KCTD8: variants seen among roughly 807,000 people sequenced by gnomAD.
KCTD8 encodes the protein potassium channel tetramerization domain containing 8.
A neutral mutation model predicts 31.5 loss-of-function variants in KCTD8; 27 were observed. The ratio of observed to expected loss-of-function variants is 0.86; its 90% CI spans 0.63 to 1.18. KCTD8 has a LOEUF of 1.18. Among genes scored for constraint, KCTD8 ranks in the 50% most tolerant of loss-of-function variants. The pLI is 0.00. For missense variants in KCTD8, 658 were observed against 647.7 expected, an observed-to-expected ratio of 1.02 and a Z score of -0.17; for synonymous variants, 290 against 280.0, an observed-to-expected ratio of 1.04 and a Z score of -0.36.
chr4:44,400,833 C>A (rs191728095), intron 1 of KCTD8, among the ~76,000 whole-genome samples: 2 of 149,996 alleles, frequency 1.3e-5, no homozygotes, highest in East Asian at 3.9e-4. Flanking sequence ...GAATGAATTT[C>A]ATAATTTAAA....
chr4:44,445,250 C>T (rs1721911549), intron 1 of KCTD8, among the ~76,000 whole-genome samples: 1 of 152,112 alleles, frequency 6.6e-6, no homozygotes, highest in South Asian at 2.1e-4. Flanking sequence ...TATTCTAGTA[C>T]TCAAGACAAA....
At chr4:44,351,443 A>G (rs753968357) in intron 1 of KCTD8, among the ~76,000 whole-genome samples, 4 of 152,134 alleles carry the variant, frequency 2.6e-5, no homozygotes, top group Non-Finnish European at 4.4e-5. Flanking sequence ...TTAGATTTCC[A>G]TATCATTTTG....
intron 1 of KCTD8, among the ~76,000 whole-genome samples, chr4:44,176,404 C>T (rs1323635664): frequency 6.6e-6 from 1 of 152,160 alleles, no homozygotes; most frequent in East Asian, 1.9e-4. Context: ...TGGGGTGCCA[C>T]CTGGCCATCA....
chr4:44,243,565 T>C (rs1449838232), intron 1 of KCTD8, among the ~76,000 whole-genome samples: 6 of 152,204 alleles, frequency 3.9e-5, no homozygotes, highest in Admixed American at 3.3e-4. Flanking sequence ...ATTCCAGTCA[T>C]TGGTCCTTTC....
intron 1 of KCTD8, among the ~76,000 whole-genome samples, chr4:44,302,562 T>C (rs1214028081): frequency 3.9e-5 from 6 of 152,088 alleles, no homozygotes; most frequent in African/African-American, 1.5e-4. Flanking sequence ...TTTTGTACAT[T>C]GATTTTGTAT....
chr4:44,247,039 T>C (rs974748135), intron 1 of KCTD8, among the ~76,000 whole-genome samples: 1 of 152,038 alleles, frequency 6.6e-6, no homozygotes, highest in Admixed American at 6.6e-5. Flanking sequence ...TCATTTCCAA[T>C]TTATATCCAT....
intron 1 of KCTD8, among the ~76,000 whole-genome samples, chr4:44,202,321 T>C (rs1330534528): frequency 6.6e-6 from 1 of 152,122 alleles, no homozygotes; most frequent in Non-Finnish European, 1.5e-5. Flanking sequence ...AAAAGACACA[T>C]GCACTCACAT....
At chr4:44,256,524 G>A (rs1246565865) in intron 1 of KCTD8, among the ~76,000 whole-genome samples, 1 of 151,908 alleles carries the variant, frequency 6.6e-6, no homozygotes, top group East Asian at 1.9e-4. Context: ...GGATATGGAA[G>A]GAAGTTTCAT....
At chr4:44,304,322 G>GA (rs1221724464) in intron 1 of KCTD8, among the ~76,000 whole-genome samples, 17 of 152,032 alleles carry the variant, frequency 1.1e-4, no homozygotes, top group African/African-American at 3.1e-4. Context: ...TTTATTAAAT[G>GA]AAAAAAATGC....
rs554070980 is a variant in KCTD8 at position 44,260,001 on chromosome 4, G to A, written c.962-84751C>T. On this transcript the variant is annotated intron_variant, in intron 1 of 1. Coordinates refer to ENST00000360029, the MANE Select transcript of KCTD8 (RefSeq NM_198353.3). ...GAGACTATTTTTTACATATAATTCTGCTTTCCACAAGTCATTTAGGTGTTA... is the reference window on the plus strand; with the variant it reads ...GAGACTATTTTTTACATATAATTCTACTTTCCACAAGTCATTTAGGTGTTA... Among the ~76,000 whole-genome samples, 7 of 151,876 alleles carry A rather than the reference G, an allele frequency of 4.6e-5. No homozygotes were observed. The South Asian group carries it at 1.5e-3, about 32-fold the overall frequency.
At chr4:44,316,174 A>AT (rs1718103055) in intron 1 of KCTD8, among the ~76,000 whole-genome samples, 1 of 151,514 alleles carries the variant, frequency 6.6e-6, no homozygotes, top group East Asian at 1.9e-4. Flanking sequence ...ACTTATTGCT[A>AT]TTTTTTGAGA....
At chr4:44,271,542 T>C (rs1207589033) in intron 1 of KCTD8, among the ~76,000 whole-genome samples, 4 of 152,032 alleles carry the variant, frequency 2.6e-5, no homozygotes, top group African/African-American at 4.8e-5. Context: ...CTCTGCAGCA[T>C]TGTGACATGT....
intron 1 of KCTD8, among the ~76,000 whole-genome samples, chr4:44,430,484 C>G (rs1053042991): frequency 6.6e-6 from 1 of 151,682 alleles, no homozygotes; most frequent in Non-Finnish European, 1.5e-5. Context: ...AAATTCTGAA[C>G]TAATAGTTCT....
At chr4:44,248,633 C>T (rs1307170145) in intron 1 of KCTD8, among the ~76,000 whole-genome samples, 1 of 151,850 alleles carries the variant, frequency 6.6e-6, no homozygotes, top group Non-Finnish European at 1.5e-5. Flanking sequence ...CTCAAATGGA[C>T]TTGCAGTTAG....
At position 44,448,295 on chromosome 4, in the gene KCTD8, A is replaced by G; in HGVS notation, c.229T>C (p.Ser77Pro). Residue 77 changes from serine (S) to proline (P), a missense_variant, in exon 1 of 2, where the codon TCT becomes CCT. By Grantham distance (74) the Ser-to-Pro change is moderately conservative. Transcript: ENST00000360029. This position sits in a 1 kb window ranked among gnomAD's most constrained non-coding sequence, Gnocchi z 4.1. Reference protein sequence around the residue: ...DSTLASMFSPSSPRGGARRRG... With the variant: ...DSTLASMFSPPSPRGGARRRG... ...CGCCGGGCGCCGCCACGGGGACTAG[A>G]GGGCGAGAACATGCTGGCCAAAGTA... 6.2e-7 allele frequency: 1 copy of G among 1,607,934 alleles called. No individual in the cohort carries two copies. The highest frequency in any genetic ancestry group is 8.5e-7 in the Non-Finnish European group (1 of 1,178,018).
chr4:44,219,381 A>C (rs373401394), intron 1 of KCTD8, among the ~76,000 whole-genome samples: 2 of 152,226 alleles, frequency 1.3e-5, no homozygotes, highest in East Asian at 3.8e-4. Context: ...GGCCTTTGCC[A>C]GTATAATATA....
intron 1 of KCTD8, among the ~76,000 whole-genome samples, chr4:44,394,717 T>G (rs758385496): frequency 2.3e-4 from 35 of 152,230 alleles, no homozygotes; most frequent in Middle Eastern, 3.4e-3. Context: ...GGATTTTGCT[T>G]ACAACTCTAA....
intron 1 of KCTD8, among the ~76,000 whole-genome samples, chr4:44,421,839 A>C (rs1721219807): frequency 6.6e-6 from 1 of 152,108 alleles, no homozygotes; most frequent in African/African-American, 2.4e-5. Context: ...TAAGCCCAGA[A>C]TTTTTATGGA....
At position 44,378,643 on chromosome 4, in the gene KCTD8, T is replaced by C. The variant is rs146937739; in HGVS notation, c.961+68920A>G. Among the ~76,000 whole-genome samples the C allele has an allele frequency of 8.5e-4, 130 of 152,152 alleles. 1 individual carries two copies. Among genetic ancestry groups the C allele is most frequent in the African/African-American group, 3.1e-3 (128 of 41,548 alleles). On this transcript the variant is annotated intron_variant, in intron 1 of 1. Coordinates refer to ENST00000360029, the MANE Select transcript of KCTD8 (RefSeq NM_198353.3). ...AAGTTATACCTACATCTCCTTACAA[T>C]TGAAAAAACAATGAAACATTATTTC...
Sources: allele counts gnomAD v4.1 joint callset (sites outside exome capture counted in the v4.1 genomes callset), GRCh38; gene constraint gnomAD v4.1.1; non-coding constraint Gnocchi (gnomAD v3.1); transcripts MANE v1.5; gene names NCBI Gene and HGNC (gene_info 2026-07-23, HGNC 2026-07-21).